PCDH15: variants seen among roughly 807,000 people sequenced by gnomAD.
PCDH15 encodes the protein protocadherin-15.
In PCDH15, 129 loss-of-function variants were observed where a neutral mutation model predicts 178.5. That is an observed-to-expected ratio of 0.72 (90% CI 0.63 to 0.84). The LOEUF (loss-of-function observed/expected upper bound fraction) is 0.84, where lower values mean the gene tolerates loss of function less well. PCDH15 is among the 40% of genes least tolerant of loss of function. PCDH15 has a pLI of 0.00. For synonymous variants in PCDH15, 800 were observed against 732.0 expected, an observed-to-expected ratio of 1.09 and a Z score of -1.50; for missense variants, 2,230 against 2,099.9, an observed-to-expected ratio of 1.06 and a Z score of -1.21.
At chr10:55,286,256 A>C (rs547774131) in intron 1 of PCDH15, among the ~76,000 whole-genome samples, 1 of 152,022 alleles carries the variant, frequency 6.6e-6, no homozygotes, top group East Asian at 1.9e-4. Flanking sequence ...CTAAGCAACA[A>C]TTACAGTTTT....
intron 2 of PCDH15, chr10:54,605,762 A>C (rs2092715138): frequency 6.6e-6 from 1 of 152,176 alleles, no homozygotes; most frequent in African/African-American, 2.4e-5. Context: ...AATGTTTGCA[A>C]GCTCATTCAA....
chr10:53,807,416 G>A (rs1200216899), intron 37 of PCDH15, among the ~76,000 whole-genome samples: 1 of 151,852 alleles, frequency 6.6e-6, no homozygotes, highest in Non-Finnish European at 1.5e-5. Context: ...TGATCCACAT[G>A]GAAAAAAATG....
At chr10:53,827,303 C>T in intron 32 of PCDH15, 90 bp downstream of exon 32, 1 of 1,446,716 alleles carries the variant, frequency 6.9e-7, no homozygotes, top group Non-Finnish European at 9.2e-7. Context: ...TCCATGTAGG[C>T]ATTTCCACAT....
At chr10:54,366,117 A>G (rs909966656) in intron 5 of PCDH15, among the ~76,000 whole-genome samples, 5 of 152,098 alleles carry the variant, frequency 3.3e-5, no homozygotes, top group African/African-American at 1.2e-4. Context: ...TTCGTGGTCA[A>G]TTTTGTAACC....
At chr10:53,890,840 G>A (rs1207272156) in intron 26 of PCDH15, among the ~76,000 whole-genome samples, 1 of 152,054 alleles carries the variant, frequency 6.6e-6, no homozygotes, top group Non-Finnish European at 1.5e-5. Context: ...ACTAACCAGT[G>A]CAAATTGTAT....
chr10:55,533,106 A>G (rs2132065737), intron 2 of PCDH15, among the ~76,000 whole-genome samples: 1 of 152,214 alleles, frequency 6.6e-6, no homozygotes, highest in South Asian at 2.1e-4. Context: ...TTTATGACAG[A>G]CGCACACCCA....
At chr10:54,437,661 GGC>G (rs770845311) in intron 3 of PCDH15, among the ~76,000 whole-genome samples, 7 of 152,052 alleles carry the variant, frequency 4.6e-5, no homozygotes, top group Non-Finnish European at 8.8e-5. Context: ...ATTTTAGTCT[GGC>G]ATACAATTAA....
chr10:55,031,249 G>A (rs1026127439), intron 2 of PCDH15, among the ~76,000 whole-genome samples: 1 of 152,150 alleles, frequency 6.6e-6, no homozygotes, highest in African/African-American at 2.4e-5. Flanking sequence ...TTAGGAAACA[G>A]TGTTTAAAGA....
At chr10:54,931,876 C>A (rs1052099891) in intron 2 of PCDH15, among the ~76,000 whole-genome samples, 23 of 152,234 alleles carry the variant, frequency 1.5e-4, no homozygotes, top group African/African-American at 5.5e-4. Context: ...TGTTCAGAAT[C>A]ATTAAGTAAA....
chr10:55,453,932 C>T (rs942349809), intron 2 of PCDH15, among the ~76,000 whole-genome samples: 2 of 152,056 alleles, frequency 1.3e-5, no homozygotes, highest in Non-Finnish European at 2.9e-5. Flanking sequence ...ATTTTCACCC[C>T]TTCACATCAG....
At chr10:54,319,077 T>C (rs967632782) in intron 7 of PCDH15, among the ~76,000 whole-genome samples, 1 of 152,204 alleles carries the variant, frequency 6.6e-6, no homozygotes, top group African/African-American at 2.4e-5. Context: ...AGAACATCCA[T>C]TGTCAAGGGT....
intron 2 of PCDH15, among the ~76,000 whole-genome samples, chr10:54,921,669 T>C (rs1482196565): frequency 1.3e-5 from 2 of 152,246 alleles, no homozygotes; most frequent in Non-Finnish European, 2.9e-5. Flanking sequence ...GATCTCACTC[T>C]TTTTATGGCT....
At chr10:54,540,959 C>A (rs758174362) in intron 2 of PCDH15, among the ~76,000 whole-genome samples, 20 of 152,076 alleles carry the variant, frequency 1.3e-4, no homozygotes, top group Non-Finnish European at 2.5e-4. Flanking sequence ...AATCCAACAT[C>A]TCTTCATGAT....
intron 28 of PCDH15, among the ~76,000 whole-genome samples, chr10:53,852,154 G>A (rs1319980825): frequency 6.6e-6 from 1 of 151,984 alleles, no homozygotes; most frequent in Non-Finnish European, 1.5e-5. Context: ...ACTGGGAGTA[G>A]AAAGAAGTTA....
intron 1 of PCDH15, among the ~76,000 whole-genome samples, chr10:54,782,968 C>T (rs2133430747): frequency 6.6e-6 from 1 of 152,106 alleles, no homozygotes; most frequent in Non-Finnish European, 1.5e-5. Context: ...TAGGACACAT[C>T]TACAGGAAAA....
chr10:55,203,303 A>G (rs1840306081), intron 1 of PCDH15, among the ~76,000 whole-genome samples: 1 of 151,984 alleles, frequency 6.6e-6, no homozygotes, highest in South Asian at 2.1e-4. Context: ...TTTCTGGATT[A>G]TTATTATTAT....
At chr10:54,320,063 G>T (rs2061502378) in intron 7 of PCDH15, among the ~76,000 whole-genome samples, 1 of 151,806 alleles carries the variant, frequency 6.6e-6, no homozygotes, top group South Asian at 2.1e-4. Flanking sequence ...CAAAGTTTCG[G>T]AACTCACTCA....
chr10:55,166,391 T>C (rs1839198511), intron 2 of PCDH15, among the ~76,000 whole-genome samples: 1 of 152,204 alleles, frequency 6.6e-6, no homozygotes, highest in Non-Finnish European at 1.5e-5. Flanking sequence ...CTTGATTAAC[T>C]ATTTTCTCTC....
chr10:54,298,045 G>A (rs1398459847), intron 8 of PCDH15, among the ~76,000 whole-genome samples: 4 of 152,164 alleles, frequency 2.6e-5, no homozygotes, highest in Admixed American at 6.5e-5. Flanking sequence ...GGGGACTGGA[G>A]TTGTAAACAT....
Sources: gnomAD v4.1 joint callset for allele counts (sites outside exome capture counted in the v4.1 genomes callset) on GRCh38, gnomAD v4.1.1 for gene constraint, MANE v1.5 for transcripts, NCBI Gene and HGNC (gene_info 2026-07-23, HGNC 2026-07-21) for gene names.